The following SLC5A1 variants were observed in gnomAD, a reference collection of about 807,000 sequenced individuals.
SLC5A1 encodes solute carrier family 5 member 1.
A neutral mutation model predicts 73.5 loss-of-function variants in SLC5A1; 42 were observed. The observed-to-expected ratio is 0.57, with a 90% confidence interval of 0.45 to 0.74. The LOEUF (loss-of-function observed/expected upper bound fraction) is 0.74. Ranked by LOEUF, SLC5A1 falls within the 30% of genes least tolerant of loss-of-function variation. SLC5A1 has a pLI of 0.00. For synonymous variants in SLC5A1, 300 were observed against 317.4 expected (o/e 0.95, Z 0.58); for missense variants, 634 against 855.4 (o/e 0.74, Z 3.23).
chr22:32,050,198 T>G (rs1378898052), intron 2 of SLC5A1, among the ~76,000 whole-genome samples, 184 bp downstream of exon 2: 1 of 152,210 alleles, frequency 6.6e-6, no homozygotes, highest in Non-Finnish European at 1.5e-5. Context: ...AGTAAGGGAA[T>G]AGCCTTTAAA....
At chr22:32,066,772 T>C (rs1383606943) in intron 2 of SLC5A1, among the ~76,000 whole-genome samples, 163 bp from the exon 3 acceptor site, 1 of 152,246 alleles carries the variant, frequency 6.6e-6, no homozygotes, top group Non-Finnish European at 1.5e-5. Flanking sequence ...CACATCTGCC[T>C]TCTGAACCAG....
At chr22:32,103,965 A>T (rs949401818) in intron 13 of SLC5A1, among the ~76,000 whole-genome samples, 5 of 152,192 alleles carry the variant, frequency 3.3e-5, no homozygotes, top group African/African-American at 1.2e-4. Flanking sequence ...TTTCCAAGGG[A>T]ACAGAGCCAG....
Position 32,110,477 on chromosome 22 carries a change from C to A in SLC5A1, c.*264C>A. ...TCAGTCACATCCAGAAAAAGGCAGA[C>A]TAAGAATCAGAAGCCATGTGATTGA... On this transcript the variant is annotated 3_prime_UTR_variant, in exon 15 of 15. Transcript: ENST00000266088. The A allele has an allele frequency of 1.9e-6, 1 of 519,554 alleles. No homozygotes were observed. The highest frequency in any genetic ancestry group is 3.5e-6 in the Non-Finnish European group (1 of 285,678). 32.2% of individuals were successfully genotyped at this position (519,554 alleles called of 1,614,324 possible). A position where few individuals can be genotyped will look rare whatever the true frequency, so the allele number is the denominator to read the frequency against.
intron 11 of SLC5A1, among the ~76,000 whole-genome samples, chr22:32,094,060 A>AT (rs1356425184): frequency 6.6e-6 from 1 of 151,908 alleles, no homozygotes; most frequent in African/African-American, 2.4e-5. Flanking sequence ...TGGATGCTGG[A>AT]TTTTTTCAAA....
At chr22:32,085,985 C>CA (rs2094007533) in intron 9 of SLC5A1, among the ~76,000 whole-genome samples, 1 of 151,860 alleles carries the variant, frequency 6.6e-6, no homozygotes. Context: ...ACTAAAAATA[C>CA]AAAAAATTAG....
intron 10 of SLC5A1, among the ~76,000 whole-genome samples, chr22:32,090,722 G>A (rs768102396): frequency 2.0e-5 from 3 of 151,520 alleles, no homozygotes; most frequent in South Asian, 4.2e-4. Flanking sequence ...ATTTCTCTTG[G>A]GTAGAGAGAA....
intron 11 of SLC5A1, among the ~76,000 whole-genome samples, chr22:32,092,189 C>T (rs1239487401): frequency 6.6e-6 from 1 of 152,174 alleles, no homozygotes; most frequent in East Asian, 1.9e-4. Context: ...TAAGTGAGAA[C>T]ATATGATGTT....
chr22:32,092,444 C>A (rs1053375743), intron 11 of SLC5A1, among the ~76,000 whole-genome samples: 10 of 152,124 alleles, frequency 6.6e-5, no homozygotes, highest in Non-Finnish European at 4.4e-5. Flanking sequence ...ATAACGACTT[C>A]TTTTCCTCTG....
At chr22:32,055,094 G>A (rs1409280601) in intron 2 of SLC5A1, among the ~76,000 whole-genome samples, 2 of 152,112 alleles carry the variant, frequency 1.3e-5, no homozygotes, top group African/African-American at 2.4e-5. Context: ...ACCTCTAAAC[G>A]CCAGTGGAAG....
chr22:32,066,876 C>A, intron 2 of SLC5A1, 59 bp from the exon 3 acceptor site: 1 of 1,185,396 alleles, frequency 8.4e-7, no homozygotes, highest in Non-Finnish European at 1.3e-6. Flanking sequence ...CTCTTTGACC[C>A]ACTCTGAGTG....
intron 10 of SLC5A1, among the ~76,000 whole-genome samples, chr22:32,090,436 CAT>C (rs2094015278): frequency 6.6e-6 from 1 of 152,128 alleles, no homozygotes; most frequent in African/African-American, 2.4e-5. Flanking sequence ...TTTTACTTAA[CAT>C]AATGTTTGCA....
rs751372792 is a variant in SLC5A1 at position 32,084,675 on chromosome 22, G to A, written c.885+16G>A. The A allele has an allele frequency of 1.2e-6, 2 of 1,605,004 alleles. No individual in the cohort carries two copies. On this transcript the variant is annotated intron_variant, in intron 8 of 14. Transcript: ENST00000266088. ...CACAGATCAGGTACCCAAGCTGGAT[G>A]TGCGGGATGGACAGAGTCTTCTCCA...
chr22:32,112,575 A>G lies in SLC5A1; in HGVS notation c.*2362A>G, dbSNP rs1164625159. ...CCAGTGTGGGTGGGGAGTTGTGCAT[A>G]TAAACTATTTAATGAGTACCAAACA... is the stretch of plus-strand genomic sequence containing the variant. On this transcript the variant is annotated 3_prime_UTR_variant, in exon 15 of 15. Coordinates refer to ENST00000266088, the MANE Select transcript of SLC5A1 (RefSeq NM_000343.4). 2.0e-5 allele frequency: 3 copies of G among 152,214 alleles called. No individual in the cohort carries two copies. In the East Asian group the frequency reaches 5.8e-4, roughly 29 times the overall value. The allele number at this position is 152,214 out of a possible 1,614,324, so 9.4% of individuals were successfully genotyped here.
At chr22:32,077,730 A>C (rs1454400390) in intron 5 of SLC5A1, among the ~76,000 whole-genome samples, 1 of 152,150 alleles carries the variant, frequency 6.6e-6, no homozygotes, top group Non-Finnish European at 1.5e-5. Flanking sequence ...ACCTATTTAT[A>C]CCCTTTTCTT....
intron 5 of SLC5A1, among the ~76,000 whole-genome samples, chr22:32,079,181 G>A (rs1342565825): frequency 6.6e-6 from 1 of 152,122 alleles, no homozygotes; most frequent in Non-Finnish European, 1.5e-5. Context: ...TTGGCAGCTA[G>A]GAAGGACCAA....
At chr22:32,050,496 G>A (rs1317825022) in intron 2 of SLC5A1, among the ~76,000 whole-genome samples, 3 of 152,174 alleles carry the variant, frequency 2.0e-5, no homozygotes, top group African/African-American at 7.2e-5. Context: ...GAGGGTTTGG[G>A]TTGTCACCCA....
At chr22:32,074,390 C>T (rs768716365) in intron 5 of SLC5A1, among the ~76,000 whole-genome samples, 24 of 152,154 alleles carry the variant, frequency 1.6e-4, no homozygotes, top group Non-Finnish European at 2.4e-4. Context: ...AGCCCATCCC[C>T]GAGGAGCCCG....
chr22:32,049,091 A>AATATAT (rs34960379), intron 1 of SLC5A1, among the ~76,000 whole-genome samples: 6 of 129,042 alleles, frequency 4.6e-5, no homozygotes, highest in Admixed American at 7.6e-5. Flanking sequence ...TAAATAAATA[A>AATATAT]ATATATATAT....
intron 2 of SLC5A1, among the ~76,000 whole-genome samples, chr22:32,063,796 T>C (rs1227278014): frequency 6.6e-6 from 1 of 152,172 alleles, no homozygotes; most frequent in Non-Finnish European, 1.5e-5. Flanking sequence ...CATAATATTG[T>C]GAAGGCAGAG....
Sources: gnomAD v4.1 joint callset for allele counts (sites outside exome capture counted in the v4.1 genomes callset) on GRCh38, gnomAD v4.1.1 for gene constraint, MANE v1.5 for transcripts, NCBI Gene and HGNC (gene_info 2026-07-23, HGNC 2026-07-21) for gene names.